Variants in SLC6A11 observed in about 807,000 individuals in gnomAD.
SLC6A11 encodes the protein solute carrier family 6 member 11.
A neutral mutation model predicts 74.8 loss-of-function variants in SLC6A11; 25 were observed. The observed-to-expected ratio is 0.33, with a 90% CI of 0.24 to 0.47. The LOEUF (loss-of-function observed/expected upper bound fraction) is 0.47. Among genes scored for constraint, SLC6A11 ranks in the 20% least tolerant of loss-of-function variants. The pLI is 1.00. For synonymous variants in SLC6A11, 330 were observed against 330.2 expected (o/e 1.00, Z 0.01); for missense variants, 574 against 837.0 (o/e 0.69, Z 3.88).
intron 5 of SLC6A11, among the ~76,000 whole-genome samples, chr3:10,868,541 T>C (rs1302638819): frequency 1.3e-5 from 2 of 152,218 alleles, no homozygotes; most frequent in African/African-American, 4.8e-5. Flanking sequence ...AATTAAACAA[T>C]AGTGAAAACT....
At chr3:10,844,411 G>C in intron 5 of SLC6A11, 65 bp downstream of exon 5, 11 of 1,598,440 alleles carry the variant, frequency 6.9e-6, no homozygotes, top group Non-Finnish European at 9.4e-6. Flanking sequence ...AGATGACCTA[G>C]AGAGTAACAG....
Position 10,918,526 on chromosome 3 carries a change from A to G in SLC6A11, c.1120+73A>G, listed in dbSNP as rs1695490355. ...GAGTGATGGTCATCATGGAAATGCG[A>G]TCTTCCTCCTCGGCTCACACATCTC... On this transcript the variant is annotated intron_variant, in intron 8 of 13. Coordinates refer to ENST00000254488, the MANE Select transcript of SLC6A11 (RefSeq NM_014229.3). The surrounding 1 kb of genome is among the most constrained non-coding windows in gnomAD (Gnocchi z 4.5). 2 of 1,518,846 alleles carry G rather than the reference A, an allele frequency of 1.3e-6. No individual in the cohort carries two copies. Among genetic ancestry groups the G allele is most frequent in the Non-Finnish European group, 1.8e-6 (2 of 1,128,180 alleles). The allele number at this position is 1,518,846 out of a possible 1,614,324, so 94.1% of individuals were successfully genotyped here.
intron 1 of SLC6A11, among the ~76,000 whole-genome samples, chr3:10,818,084 T>A (rs919580266): frequency 2.1e-5 from 3 of 145,800 alleles, no homozygotes; most frequent in African/African-American, 7.6e-5. Flanking sequence ...TTTTTTTTTT[T>A]TAAAAAAAAA....
intron 6 of SLC6A11, among the ~76,000 whole-genome samples, chr3:10,896,222 T>TC (rs1161513461): frequency 5.3e-5 from 8 of 152,276 alleles, no homozygotes; most frequent in Non-Finnish European, 4.4e-5. Context: ...TGAGGCCAGC[T>TC]CCTCCCAGGG....
intron 4 of SLC6A11, among the ~76,000 whole-genome samples, chr3:10,830,786 G>A (rs1694285532): frequency 1.3e-5 from 2 of 152,140 alleles, no homozygotes; most frequent in Admixed American, 1.3e-4. Flanking sequence ...AGCATGAAGG[G>A]CCTCTGTACC....
At chr3:10,883,179 A>G (rs147001334) in intron 6 of SLC6A11, among the ~76,000 whole-genome samples, 33 of 152,288 alleles carry the variant, frequency 2.2e-4, no homozygotes, top group African/African-American at 7.7e-4. Context: ...TCCCCCAGCA[A>G]TTTGCATTCC....
chr3:10,909,549 A>G (rs2106624527), intron 6 of SLC6A11, among the ~76,000 whole-genome samples: 1 of 152,176 alleles, frequency 6.6e-6, no homozygotes, highest in East Asian at 1.9e-4. Context: ...CAGCTCTCCC[A>G]CAACTCTGAG....
chr3:10,873,532 GTCCTA>G (rs1208134845), intron 5 of SLC6A11, among the ~76,000 whole-genome samples: 3 of 76,672 alleles, frequency 3.9e-5, no homozygotes, highest in African/African-American at 8.9e-5. Flanking sequence ...ATCCTATCCT[GTCCTA>G]TCCTATCCTA....
intron 6 of SLC6A11, among the ~76,000 whole-genome samples, chr3:10,892,877 C>T (rs1303448063): frequency 6.6e-6 from 1 of 152,080 alleles, no homozygotes; most frequent in African/African-American, 2.4e-5. Flanking sequence ...TGTGGAAGTG[C>T]GTGGGGGAAA....
chr3:10,843,546 C>T (rs1310091547), intron 4 of SLC6A11, among the ~76,000 whole-genome samples: 1 of 152,202 alleles, frequency 6.6e-6, no homozygotes, highest in Non-Finnish European at 1.5e-5. Context: ...CCCTGACCCC[C>T]TGTAGCAGTC....
intron 6 of SLC6A11, among the ~76,000 whole-genome samples, chr3:10,904,889 A>C (rs1476802964): frequency 1.3e-5 from 2 of 152,290 alleles, no homozygotes; most frequent in East Asian, 3.9e-4. Context: ...AAAAATGGAG[A>C]CAATAATACT....
chr3:10,901,239 A>G (rs1460952099), intron 6 of SLC6A11, among the ~76,000 whole-genome samples: 1 of 152,206 alleles, frequency 6.6e-6, no homozygotes, highest in Non-Finnish European at 1.5e-5. Flanking sequence ...ATGGGGCTCA[A>G]GCAACTGACG....
intron 4 of SLC6A11, among the ~76,000 whole-genome samples, chr3:10,832,656 C>G (rs1694312635): frequency 6.6e-6 from 1 of 152,204 alleles, no homozygotes; most frequent in Non-Finnish European, 1.5e-5. Context: ...ACAATTGAGT[C>G]TCCTCCTGCT....
chr3:10,828,119 A>G (rs1266969041), intron 4 of SLC6A11, among the ~76,000 whole-genome samples: 2 of 152,200 alleles, frequency 1.3e-5, no homozygotes, highest in Non-Finnish European at 2.9e-5. Flanking sequence ...ATTGAATGCT[A>G]TTAAGTGCAT....
In SLC6A11 at chr3:10,918,939, C is replaced by T. The variant is rs1029390182; in HGVS notation, c.1120+486C>T. 4.6e-5 allele frequency among the ~76,000 whole-genome samples: 7 copies of T among 152,060 alleles called. No individual in the cohort carries two copies. The highest frequency in any genetic ancestry group is 1.3e-4 in the Admixed American group (2 of 15,274). The stretch of plus-strand genomic sequence containing the variant: ...CGTGGCCACAAAGCCCTGTGTTGCC[C>T]GGCTCCTGTGGCCCCACCAGCCTCA... On this transcript the variant is annotated intron_variant, in intron 8 of 13. Coordinates refer to ENST00000254488, the MANE Select transcript of SLC6A11 (RefSeq NM_014229.3). The surrounding 1 kb of genome is among the most constrained non-coding windows in gnomAD (Gnocchi z 4.5).
chr3:10,897,362 C>G (rs1266283847), intron 6 of SLC6A11, among the ~76,000 whole-genome samples: 3 of 152,212 alleles, frequency 2.0e-5, no homozygotes, highest in African/African-American at 7.2e-5. Flanking sequence ...TCATCTGAAA[C>G]AAGGCAAGTC....
chr3:10,920,764 C>T (rs992148255), intron 8 of SLC6A11, among the ~76,000 whole-genome samples: 2 of 152,200 alleles, frequency 1.3e-5, no homozygotes, highest in Non-Finnish European at 1.5e-5. Flanking sequence ...AGTGGTTCAT[C>T]CAAGAGCATG....
At chr3:10,887,865 C>G (rs1310562614) in intron 6 of SLC6A11, among the ~76,000 whole-genome samples, 4 of 152,190 alleles carry the variant, frequency 2.6e-5, no homozygotes, top group African/African-American at 9.7e-5. Flanking sequence ...TTCAGTGTAG[C>G]TACAGGATAG....
At chr3:10,873,991 C>CGCTATGCTAT (rs879605613) in intron 5 of SLC6A11, among the ~76,000 whole-genome samples, 17,085 of 136,394 alleles carry the variant, frequency 0.13, 1,167 homozygotes, top group African/African-American at 0.24. Flanking sequence ...CGCTACGCTA[C>CGCTATGCTAT]GCTATGCTAT....
Sources: gnomAD v4.1 joint callset for allele counts (sites outside exome capture counted in the v4.1 genomes callset) on GRCh38, gnomAD v4.1.1 for gene constraint, Gnocchi (gnomAD v3.1) non-coding constraint, MANE v1.5 for transcripts, NCBI Gene and HGNC (gene_info 2026-07-23, HGNC 2026-07-21) for gene names.